FCHO2: variants seen among roughly 807,000 people sequenced by gnomAD.
FCHO2 encodes F-BAR domain only protein 2.
FCHO2 carries 43 observed loss-of-function variants against 114.1 expected under a neutral mutation model. That is an observed-to-expected ratio of 0.38 (90% CI 0.30 to 0.49). The LOEUF (loss-of-function observed/expected upper bound fraction) is 0.49. FCHO2 is among the 20% of genes least tolerant of loss of function. The pLI, the probability that FCHO2 is intolerant of heterozygous loss-of-function variation, is 0.97. For synonymous variants in FCHO2, 293 were observed against 315.2 expected, an observed-to-expected ratio of 0.93 and a Z score of 0.75; for missense variants, 807 against 950.4, an observed-to-expected ratio of 0.85 and a Z score of 1.98.
At chr5:73,038,544 G>A (rs914414045) in intron 10 of FCHO2, among the ~76,000 whole-genome samples, 1 of 152,206 alleles carries the variant, frequency 6.6e-6, no homozygotes, top group African/African-American at 2.4e-5. Flanking sequence ...GAATTCTCAT[G>A]AGATTTAATA....
In FCHO2 at chr5:73,089,752, T is replaced by G. The variant is rs1743427581; in HGVS notation, c.*1662T>G. The G allele has an allele frequency of 2.0e-5, 3 of 152,562 alleles. No homozygotes were observed. Among genetic ancestry groups the G allele is most frequent in the Admixed American group, 2.0e-4 (3 of 15,274 alleles). 9.5% of individuals were successfully genotyped at this position (152,562 alleles called of 1,614,324 possible). The stretch of plus-strand genomic sequence containing the variant: ...TAAAACCTCTATTACTAGACATTTA[T>G]GTAACATCTTGCTGTACTAAATACA... On this transcript the variant is annotated 3_prime_UTR_variant, in exon 26 of 26. Coordinates refer to ENST00000430046, the MANE Select transcript of FCHO2 (RefSeq NM_138782.3).
chr5:73,020,758 A>G (rs1045307413), intron 8 of FCHO2: 1 of 1,132,532 alleles, frequency 8.8e-7, no homozygotes, highest in African/African-American at 1.5e-5. Flanking sequence ...AACCTTAACA[A>G]ATTCTGTGAG....
chr5:73,056,835 G>C (rs1429511328), intron 16 of FCHO2, among the ~76,000 whole-genome samples: 1 of 152,040 alleles, frequency 6.6e-6, no homozygotes, highest in Non-Finnish European at 1.5e-5. Context: ...AGTTGGAAAG[G>C]GAGAGAGAGG....
At chr5:73,030,622 A>G (rs1756186582) in intron 8 of FCHO2, among the ~76,000 whole-genome samples, 3 of 152,220 alleles carry the variant, frequency 2.0e-5, no homozygotes, top group Admixed American at 2.0e-4. Flanking sequence ...CTAGGGCTGT[A>G]TTTCTCAAAA....
At chr5:72,960,185 C>T (rs984238686) in intron 1 of FCHO2, among the ~76,000 whole-genome samples, 2 of 152,168 alleles carry the variant, frequency 1.3e-5, no homozygotes, top group Admixed American at 6.5e-5. Flanking sequence ...AAGTTTGAAT[C>T]GTTGAAACTC....
chr5:72,960,874 G>A (rs1751821450), intron 1 of FCHO2, among the ~76,000 whole-genome samples: 1 of 152,094 alleles, frequency 6.6e-6, no homozygotes, highest in Admixed American at 6.5e-5. Flanking sequence ...AAGACACTAA[G>A]TAGTATTCTT....
intron 24 of FCHO2, among the ~76,000 whole-genome samples, chr5:73,083,942 G>C (rs1233683768): frequency 7.4e-6 from 1 of 135,258 alleles, no homozygotes; most frequent in South Asian, 2.5e-4. Flanking sequence ...TTCTCTAAAA[G>C]AACCTTTTTC....
At chr5:73,046,957 G>A (rs952141822) in intron 11 of FCHO2, among the ~76,000 whole-genome samples, 1 of 152,088 alleles carries the variant, frequency 6.6e-6, no homozygotes, top group African/African-American at 2.4e-5. Context: ...TATCTTTCTT[G>A]CTGAGCTTTA....
At chr5:72,972,182 G>A (rs1018044356) in intron 2 of FCHO2, among the ~76,000 whole-genome samples, 51 of 151,936 alleles carry the variant, frequency 3.4e-4, no homozygotes, top group Non-Finnish European at 5.7e-4. Context: ...TTGGCGATGC[G>A]GGCTCTTTTT....
chr5:73,049,719 T>C (rs932215085), intron 11 of FCHO2, among the ~76,000 whole-genome samples: 1 of 152,204 alleles, frequency 6.6e-6, no homozygotes, highest in Non-Finnish European at 1.5e-5. Context: ...CTTGAAGCTG[T>C]TAAAATGCAT....
intron 19 of FCHO2, among the ~76,000 whole-genome samples, chr5:73,073,004 T>C (rs910913915): frequency 2.6e-5 from 4 of 152,080 alleles, no homozygotes; most frequent in African/African-American, 9.7e-5. Flanking sequence ...TTTAGAACAA[T>C]ATATTAGGGA....
At position 72,962,457 on chromosome 5, in the gene FCHO2, A is replaced by G. The variant is rs1037902066; in HGVS notation, c.34-6041A>G. ...TTGAGTCACTGAGGTATCTCCTGAG[A>G]TTATCCATCCTGATGTCATAATTCT... On this transcript the variant is annotated intron_variant, in intron 1 of 25. Transcript: ENST00000430046. Among the ~76,000 whole-genome samples the G allele has an allele frequency of 3.9e-5, 6 of 152,270 alleles. No individual in the cohort carries two copies. The East Asian group carries it at 1.2e-3, about 29-fold the overall frequency.
At chr5:72,968,827 A>G (rs1445830315) in intron 2 of FCHO2, among the ~76,000 whole-genome samples, 3 of 152,200 alleles carry the variant, frequency 2.0e-5, no homozygotes, top group Non-Finnish European at 4.4e-5. Context: ...TGAAAATATT[A>G]TCTACATATT....
chr5:72,983,188 A>G (rs1446550121), intron 2 of FCHO2, among the ~76,000 whole-genome samples: 1 of 152,062 alleles, frequency 6.6e-6, no homozygotes, highest in Non-Finnish European at 1.5e-5. Flanking sequence ...TGCTGGGATT[A>G]CAGGTGTGAG....
chr5:72,997,522 C>T (rs761580618), intron 5 of FCHO2: 102 of 1,396,528 alleles, frequency 7.3e-5, no homozygotes, highest in Non-Finnish European at 9.4e-5. Flanking sequence ...CCATCAAATC[C>T]TGGTTCAGTG....
intron 8 of FCHO2, chr5:73,020,711 G>A: frequency 8.3e-7 from 1 of 1,209,526 alleles, no homozygotes; most frequent in Non-Finnish European, 1.2e-6. Flanking sequence ...TGAAGAAATT[G>A]GATGCTCATT....
chr5:72,992,455 C>T (rs376507814), intron 5 of FCHO2, among the ~76,000 whole-genome samples: 5 of 152,086 alleles, frequency 3.3e-5, no homozygotes, highest in Admixed American at 6.5e-5. Flanking sequence ...CAAAATGGCA[C>T]GTAGAGATTG....
chr5:73,032,571 G>C (rs982613367), intron 8 of FCHO2, among the ~76,000 whole-genome samples: 1 of 152,072 alleles, frequency 6.6e-6, no homozygotes, highest in Admixed American at 6.6e-5. Flanking sequence ...GTCATCCAAA[G>C]ATTTTACAAA....
intron 24 of FCHO2, among the ~76,000 whole-genome samples, chr5:73,086,918 C>T (rs1207325730): frequency 6.6e-6 from 1 of 152,136 alleles, no homozygotes; most frequent in Non-Finnish European, 1.5e-5. Flanking sequence ...AAATACACAC[C>T]ATCATCCCCA....
Sources: allele counts gnomAD v4.1 joint callset (sites outside exome capture counted in the v4.1 genomes callset), GRCh38; gene constraint gnomAD v4.1.1; transcripts MANE v1.5; gene names NCBI Gene and HGNC (gene_info 2026-07-23, HGNC 2026-07-21).